MLXIP: variants seen among roughly 807,000 people sequenced by gnomAD.
The protein encoded by MLXIP is MLX interacting protein, also known as MLX-interacting protein.
In MLXIP, 30 loss-of-function variants were observed where a neutral mutation model predicts 87.2. The observed-to-expected ratio is 0.34, with a 90% CI of 0.26 to 0.47. The LOEUF (loss-of-function observed/expected upper bound fraction) is 0.47, where lower values mean the gene tolerates loss of function less well. MLXIP is among the 20% of genes least tolerant of loss of function. The probability of loss-of-function intolerance (pLI) is 1.00; values close to 1 mark genes in which losing one functional copy is unlikely to be tolerated. For missense variants in MLXIP, 1,002 were observed against 1,240.1 expected, an observed-to-expected ratio of 0.81 and a Z score of 2.88; for synonymous variants, 530 against 514.0, an observed-to-expected ratio of 1.03 and a Z score of -0.42.
At chr12:122,084,310 G>C (rs1405245963) in intron 1 of MLXIP, among the ~76,000 whole-genome samples, 1 of 152,116 alleles carries the variant, frequency 6.6e-6, no homozygotes, top group African/African-American at 2.4e-5. Flanking sequence ...GGAAGCCCCA[G>C]TGCTCCCCGC....
rs959762963 is a variant in MLXIP, at chr12:122,137,901, G to A, written c.2155-293G>A. Among the ~76,000 whole-genome samples, 6 of 152,250 alleles carry A rather than the reference G, an allele frequency of 3.9e-5. No homozygotes were observed. The highest frequency in any genetic ancestry group is 1.4e-4 in the African/African-American group (6 of 41,464). ...GGCCACCACCAGAGCTGTGCTGTGG[G>A]GAGGAGGCAGGGCTGGGTGGGGAAG... On this transcript the variant is annotated intron_variant, in intron 12 of 16. Transcript: ENST00000319080. The surrounding 1 kb of genome is among the most constrained non-coding windows in gnomAD (Gnocchi z 4.1).
At chr12:122,079,317 C>G in intron 1 of MLXIP, 51 bp downstream of exon 1, 3 of 1,505,834 alleles carry the variant, frequency 2.0e-6, no homozygotes, top group Non-Finnish European at 2.7e-6. Context: ...CCTTGTTTGA[C>G]AAAACAAGCG....
chr12:122,097,195 T>G (rs1952366447), intron 1 of MLXIP, among the ~76,000 whole-genome samples: 1 of 152,126 alleles, frequency 6.6e-6, no homozygotes, highest in African/African-American at 2.4e-5. Flanking sequence ...GGACAGGGTC[T>G]CGCTCTGTCA....
At chr12:122,131,697 A>T (rs1181520048) in intron 7 of MLXIP, among the ~76,000 whole-genome samples, 3 of 151,682 alleles carry the variant, frequency 2.0e-5, no homozygotes, top group African/African-American at 7.3e-5. Flanking sequence ...AAGTGCTGGG[A>T]TTACAGGTGT....
intron 1 of MLXIP, among the ~76,000 whole-genome samples, chr12:122,093,790 CTGTG>C (rs1410426952): frequency 0.01 from 958 of 92,980 alleles, 11 homozygotes; most frequent in Non-Finnish European, 0.017. Flanking sequence ...TTTGCAGTGT[CTGTG>C]TGTGTCGGTG....
chr12:122,097,503 C>A (rs1593069272), intron 1 of MLXIP, among the ~76,000 whole-genome samples: 2 of 151,898 alleles, frequency 1.3e-5, no homozygotes, highest in East Asian at 3.9e-4. Flanking sequence ...ACCTGTAGTC[C>A]CAGCTGCTCA....
At chr12:122,130,407 C>T (rs1413677114) in intron 6 of MLXIP, among the ~76,000 whole-genome samples, 3 of 151,892 alleles carry the variant, frequency 2.0e-5, no homozygotes, top group Non-Finnish European at 4.4e-5. Flanking sequence ...ATACCGTTCT[C>T]TTCACGGGGT....
intron 1 of MLXIP, among the ~76,000 whole-genome samples, chr12:122,082,489 T>C (rs1952106040): frequency 6.6e-6 from 1 of 152,170 alleles, no homozygotes; most frequent in African/African-American, 2.4e-5. Flanking sequence ...GAGCTGGGAA[T>C]GGGGCTAGTG....
At chr12:122,118,649 AC>A (rs1398454285) in intron 1 of MLXIP, among the ~76,000 whole-genome samples, 27 of 151,940 alleles carry the variant, frequency 1.8e-4, no homozygotes, top group African/African-American at 5.6e-4. Context: ...GGAGTTCGAG[AC>A]CAGCCTGGCT....
chr12:122,083,987 G>A (rs1470558001), intron 1 of MLXIP, among the ~76,000 whole-genome samples: 1 of 152,194 alleles, frequency 6.6e-6, no homozygotes, highest in Non-Finnish European at 1.5e-5. Context: ...GGTGTGCACT[G>A]AGGTGGGAGC....
intron 1 of MLXIP, among the ~76,000 whole-genome samples, chr12:122,088,470 G>A (rs137900842): frequency 0.012 from 1,835 of 152,260 alleles, 40 homozygotes; most frequent in African/African-American, 0.042. Context: ...AGAATTCTAG[G>A]AAGAGGATTC....
chr12:122,080,170 A>G (rs943816320), intron 1 of MLXIP, among the ~76,000 whole-genome samples: 1 of 152,098 alleles, frequency 6.6e-6, no homozygotes, highest in African/African-American at 2.4e-5. Flanking sequence ...GCTGCAGGTA[A>G]CTTTTTTGTC....
intron 1 of MLXIP, among the ~76,000 whole-genome samples, chr12:122,085,975 G>A (rs903351042): frequency 6.6e-6 from 1 of 152,210 alleles, no homozygotes; most frequent in African/African-American, 2.4e-5. Flanking sequence ...ATCTGAGTGA[G>A]CCTGGTGTAA....
At chr12:122,100,680 C>CT (rs1194474860) in intron 1 of MLXIP, among the ~76,000 whole-genome samples, 1 of 152,190 alleles carries the variant, frequency 6.6e-6, no homozygotes, top group Non-Finnish European at 1.5e-5. Flanking sequence ...GTGAGTTTCC[C>CT]TTTTTGTCTG....
At chr12:122,120,869 G>A (rs1952768020) in intron 1 of MLXIP, among the ~76,000 whole-genome samples, 1 of 152,136 alleles carries the variant, frequency 6.6e-6, no homozygotes, top group Non-Finnish European at 1.5e-5. Flanking sequence ...GTTTTGCTAA[G>A]GGGTGTCCCT....
intron 7 of MLXIP, among the ~76,000 whole-genome samples, chr12:122,131,241 T>C (rs1952972359): frequency 6.6e-6 from 1 of 152,048 alleles, no homozygotes; most frequent in African/African-American, 2.4e-5. Context: ...AGATGGGTCC[T>C]TGAGCACCTG....
intron 1 of MLXIP, among the ~76,000 whole-genome samples, chr12:122,123,370 T>C (rs1336124613): frequency 1.3e-5 from 2 of 152,176 alleles, no homozygotes; most frequent in Admixed American, 1.3e-4. Context: ...TTTGTGTTTC[T>C]TGAGCGCCAC....
intron 2 of MLXIP, 33 bp downstream of exon 2, chr12:122,127,395 G>A (rs1416641117): frequency 8.5e-6 from 13 of 1,522,186 alleles, no homozygotes; most frequent in Non-Finnish European, 1.2e-5. Flanking sequence ...GCCGGTGGTG[G>A]TCAGAACTTC....
Position 122,106,595 on chromosome 12 carries a change from CTTTTTTTTTTT to C in MLXIP, c.414-20647_414-20637del, listed in dbSNP as rs1162475087. ...TGAAAGCAAGATGGAATCGCAGGTT[CTTTTTTTTTTT>C]TTTTTTTTTTTTTGAGATGGAGTCT... On this transcript the variant is annotated intron_variant, in intron 1 of 16. Transcript: ENST00000319080. Among the ~76,000 whole-genome samples, 6 of 62,884 alleles carry C rather than the reference CTTTTTTTTTTT, an allele frequency of 9.5e-5. No individual in the cohort carries two copies. The East Asian group carries it at 2.2e-3, about 23-fold the overall frequency. 41.3% of individuals were successfully genotyped at this position (62,884 alleles called of 152,430 possible).
Sources: allele counts gnomAD v4.1 joint callset (sites outside exome capture counted in the v4.1 genomes callset), GRCh38; gene constraint gnomAD v4.1.1; non-coding constraint Gnocchi (gnomAD v3.1); transcripts MANE v1.5; gene names NCBI Gene and HGNC (gene_info 2026-07-23, HGNC 2026-07-21).